The following PTPN13 variants were observed in gnomAD, a reference collection of about 807,000 sequenced individuals.
PTPN13 encodes the protein tyrosine-protein phosphatase non-receptor type 13.
In PTPN13, 191 loss-of-function variants were observed where a neutral mutation model predicts 284.0. The ratio of observed to expected loss-of-function variants is 0.67; its 90% CI spans 0.60 to 0.76. The LOEUF is 0.76. Among genes scored for constraint, PTPN13 ranks in the 30% least tolerant of loss-of-function variants. The probability of loss-of-function intolerance (pLI) is 0.00; values close to 1 mark genes in which losing one functional copy is unlikely to be tolerated. For missense variants in PTPN13, 2,797 were observed against 2,939.9 expected (o/e 0.95, Z 1.12); for synonymous variants, 986 against 1,022.3 (o/e 0.96, Z 0.68).
intron 24 of PTPN13, among the ~76,000 whole-genome samples, chr4:86,764,105 G>A (rs1739012529): frequency 6.6e-6 from 1 of 152,060 alleles, no homozygotes; most frequent in South Asian, 2.1e-4. Flanking sequence ...TATAAGTAAT[G>A]TAAACATGAA....
At chr4:86,776,106 A>T (rs1185853845) in intron 35 of PTPN13, among the ~76,000 whole-genome samples, 3 of 151,988 alleles carry the variant, frequency 2.0e-5, no homozygotes, top group African/African-American at 7.2e-5. Flanking sequence ...CCACCACGCC[A>T]GGCTAATTTT....
At chr4:86,642,383 T>C (rs1723894281) in intron 2 of PTPN13, among the ~76,000 whole-genome samples, 1 of 151,752 alleles carries the variant, frequency 6.6e-6, no homozygotes, top group African/African-American at 2.4e-5. Flanking sequence ...AGAATCTTCC[T>C]GTGTTATGAT....
rs1283103345 is a variant in PTPN13, at chr4:86,744,985, A to T, written c.2507A>T (p.Gln836Leu). 6.3e-7 allele frequency: 1 copy of T among 1,579,384 alleles called. No individual in the cohort carries two copies. Among genetic ancestry groups the T allele is most frequent in the African/African-American group, 1.3e-5 (1 of 74,112 alleles). ...TTGTAGAAAAAGAAAATCACATTGC[A>T]AAATACATCAGATGGAATAAAACAT... ...ISFSKKKITL[Q>L]NTSDGIKHGF... is the part of the protein sequence containing the mutation. Residue 836 changes from glutamine (Q) to leucine (L), a missense_variant, in exon 17 of 48, where the codon CAA becomes CTA. Gln to Leu is a moderately radical substitution (Grantham distance 113). Transcript: ENST00000411767.
chr4:86,701,368 T>C lies in PTPN13; in HGVS notation c.762T>C (p.Tyr254=). ...TCAAAGATACACAAGATGAGAATTA[T>C]TTCAAGGACATTTTATCAGATAATT... ...LSIKDTQDEN[Y]FKDILSDNSG... Residue 254 remains tyrosine (Y), a synonymous_variant, in exon 7 of 48, where the codon TAT becomes TAC. Coordinates refer to ENST00000411767, the MANE Select transcript of PTPN13 (RefSeq NM_080683.3). 1 of 1,613,244 alleles carries C rather than the reference T, an allele frequency of 6.2e-7. No individual in the cohort carries two copies. Among genetic ancestry groups the C allele is most frequent in the Non-Finnish European group, 8.5e-7 (1 of 1,179,382 alleles).
chr4:86,609,019 G>A (rs1301813696), intron 1 of PTPN13, among the ~76,000 whole-genome samples: 1 of 152,112 alleles, frequency 6.6e-6, no homozygotes, highest in African/African-American at 2.4e-5. Flanking sequence ...AACTACAAAA[G>A]TTTCTAAATT....
intron 2 of PTPN13, among the ~76,000 whole-genome samples, chr4:86,647,966 G>A (rs1227306522): frequency 6.6e-6 from 1 of 151,908 alleles, no homozygotes; most frequent in Non-Finnish European, 1.5e-5. Context: ...TGTTATAGCA[G>A]CCCCCAAAAA....
chr4:86,785,245 G>T lies in PTPN13; in HGVS notation c.6133G>T (p.Glu2045Ter), dbSNP rs778048326. 6.4e-7 allele frequency: 1 copy of T among 1,551,578 alleles called. No individual in the cohort carries two copies. Among genetic ancestry groups the T allele is most frequent in the Non-Finnish European group, 8.8e-7 (1 of 1,134,566 alleles). The change falls in exon 39 of 48, where the codon GAA becomes TAA. Residue 2045 changes from glutamate to a stop codon, truncating the protein, a stop_gained. Transcript: ENST00000411767. LOFTEE classifies it high-confidence loss of function. The part of the protein sequence containing the change: ...LTLPKESYIQ[E>*]DDIYDDSQEA... ...TATTTTTCAAGAATCTTATATACAA[G>T]AAGATGACATTTATGATGATTCCCA...
intron 28 of PTPN13, 132 bp from the exon 29 acceptor site, chr4:86,769,637 A>G (rs754862801): frequency 3.3e-6 from 2 of 606,386 alleles, no homozygotes; most frequent in Non-Finnish European, 2.9e-6. Context: ...GGAGTGCAGT[A>G]AGTACATACA....
chr4:86,603,696 A>G (rs1036477989), intron 1 of PTPN13, among the ~76,000 whole-genome samples: 1 of 152,210 alleles, frequency 6.6e-6, no homozygotes, highest in East Asian at 1.9e-4. Flanking sequence ...TCATTACATT[A>G]TATGTTTTAC....
rs1452389980 is a variant in PTPN13 at position 86,750,757 on chromosome 4, C to T, written c.2938C>T (p.Pro980Ser). The change falls in exon 18 of 48, where the codon CCA becomes TCA. Residue 980 changes from proline (P) to serine (S), a missense_variant. Coordinates refer to ENST00000411767, the MANE Select transcript of PTPN13 (RefSeq NM_080683.3). ...TGATCTCAGTCAGGCCTCTCTCTAT[C>T]CACATCGGAAAAATGTCATTGTTAA... ...YHDLSQASLY[P>S]HRKNVIVNME... 17 of 1,613,374 alleles carry T rather than the reference C, an allele frequency of 1.1e-5. No individual in the cohort carries two copies. Among genetic ancestry groups the T allele is most frequent in the Non-Finnish European group, 1.0e-5 (12 of 1,179,672 alleles).
intron 7 of PTPN13, among the ~76,000 whole-genome samples, chr4:86,714,377 G>A (rs180750866): frequency 6.6e-6 from 1 of 151,898 alleles, no homozygotes; most frequent in Non-Finnish European, 1.5e-5. Flanking sequence ...TTTCCTCCTT[G>A]CCAGTCTACT....
intron 2 of PTPN13, among the ~76,000 whole-genome samples, chr4:86,671,890 T>C (rs1727756358): frequency 6.6e-6 from 1 of 152,206 alleles, no homozygotes; most frequent in Non-Finnish European, 1.5e-5. Context: ...TATAAATGGG[T>C]TATAAGTAGA....
intron 32 of PTPN13, among the ~76,000 whole-genome samples, chr4:86,773,288 CAT>C (rs983357646): frequency 6.6e-6 from 1 of 152,156 alleles, no homozygotes; most frequent in African/African-American, 2.4e-5. Context: ...AATGAAATAA[CAT>C]ATGTAAAGCA....
chr4:86,646,603 C>T (rs1724458048), intron 2 of PTPN13, among the ~76,000 whole-genome samples: 1 of 152,202 alleles, frequency 6.6e-6, no homozygotes, highest in Admixed American at 6.5e-5. Context: ...CAGCCAGCAA[C>T]TGGAAGTTTC....
intron 2 of PTPN13, among the ~76,000 whole-genome samples, chr4:86,649,270 ACTT>A (rs1326776003): frequency 5.3e-5 from 8 of 152,094 alleles, no homozygotes; most frequent in African/African-American, 1.9e-4. Flanking sequence ...GGTTGCCTAT[ACTT>A]CTGAGATCTT....
chr4:86,693,761 C>A, intron 6 of PTPN13, 87 bp downstream of exon 6: 1 of 910,186 alleles, frequency 1.1e-6, no homozygotes, highest in Non-Finnish European at 1.6e-6. Context: ...GCTTTGAAAT[C>A]TGGTAATTGA....
chr4:86,766,768 G>A (rs1240442996), intron 27 of PTPN13: 1 of 307,518 alleles, frequency 3.3e-6, no homozygotes, highest in Non-Finnish European at 5.9e-6. Flanking sequence ...TCTGATGGGG[G>A]AGGGATGGAA....
chr4:86,691,084 G>C (rs1729972255), intron 5 of PTPN13, among the ~76,000 whole-genome samples: 1 of 152,088 alleles, frequency 6.6e-6, no homozygotes, highest in Non-Finnish European at 1.5e-5. Flanking sequence ...CTTTGAAGCT[G>C]AGCATGGTGA....
At chr4:86,607,390 C>T (rs1764871278) in intron 1 of PTPN13, among the ~76,000 whole-genome samples, 1 of 151,822 alleles carries the variant, frequency 6.6e-6, no homozygotes, top group South Asian at 2.1e-4. Context: ...AAAATGACTC[C>T]AATGATAAGG....
Sources: allele counts gnomAD v4.1 joint callset (sites outside exome capture counted in the v4.1 genomes callset), GRCh38; gene constraint gnomAD v4.1.1; transcripts MANE v1.5; gene names NCBI Gene and HGNC (gene_info 2026-07-23, HGNC 2026-07-21).